CDH9: variants seen among roughly 807,000 people sequenced by gnomAD.
CDH9 encodes cadherin-9.
A neutral mutation model predicts 70.9 loss-of-function variants in CDH9; 28 were observed. The observed-to-expected ratio is 0.40, with a 90% CI of 0.29 to 0.54. The LOEUF is 0.54. CDH9 is among the 20% of genes least tolerant of loss of function. The pLI is 0.59. For missense variants in CDH9, 874 were observed against 984.4 expected (o/e 0.89, Z 1.50); for synonymous variants, 409 against 343.1 (o/e 1.19, Z -2.12).
intron 9 of CDH9, among the ~76,000 whole-genome samples, chr5:26,887,239 T>A (rs1740580400): frequency 6.6e-6 from 1 of 151,774 alleles, no homozygotes. Context: ...TTATATAGGA[T>A]CTAATATTTT....
intron 1 of CDH9, among the ~76,000 whole-genome samples, chr5:26,995,965 T>A (rs999405857): frequency 2.6e-5 from 4 of 152,026 alleles, no homozygotes; most frequent in Non-Finnish European, 4.4e-5. Context: ...ATATTCCAAT[T>A]ATATTTGAGA....
chr5:26,899,283 C>T (rs1740809857), intron 7 of CDH9, among the ~76,000 whole-genome samples: 1 of 152,074 alleles, frequency 6.6e-6, no homozygotes, highest in African/African-American at 2.4e-5. Context: ...GGATCTAGAA[C>T]CAGAAATACC....
At chr5:26,914,411 A>T (rs191078874) in intron 3 of CDH9, among the ~76,000 whole-genome samples, 1 of 152,046 alleles carries the variant, frequency 6.6e-6, no homozygotes, top group East Asian at 1.9e-4. Flanking sequence ...AGTACTTTCC[A>T]TGCAACTAAG....
chr5:26,945,566 T>G (rs2112040721), intron 2 of CDH9, among the ~76,000 whole-genome samples: 1 of 152,302 alleles, frequency 6.6e-6, no homozygotes, highest in Non-Finnish European at 1.5e-5. Flanking sequence ...TGTCACTATT[T>G]TAAAATCAGC....
intron 2 of CDH9, among the ~76,000 whole-genome samples, chr5:26,979,725 A>C (rs898623161): frequency 6.6e-6 from 1 of 151,918 alleles, no homozygotes; most frequent in Non-Finnish European, 1.5e-5. Flanking sequence ...AAGCACACTC[A>C]TGAGAAAAGT....
intron 11 of CDH9, among the ~76,000 whole-genome samples, chr5:26,885,398 G>T (rs62346378): frequency 7.2e-4 from 110 of 152,290 alleles, no homozygotes; most frequent in Non-Finnish European, 1.2e-3. Flanking sequence ...CATGTGTATA[G>T]CATTTGTTAG....
chr5:26,978,698 AAT>A (rs1742345784), intron 2 of CDH9, among the ~76,000 whole-genome samples: 1 of 151,894 alleles, frequency 6.6e-6, no homozygotes, highest in Non-Finnish European at 1.5e-5. Context: ...TTAGGTATCA[AAT>A]TAAGAATACT....
intron 7 of CDH9, among the ~76,000 whole-genome samples, chr5:26,896,051 G>A (rs1412941599): frequency 6.6e-6 from 1 of 151,966 alleles, no homozygotes; most frequent in African/African-American, 2.4e-5. Context: ...ACCATCTGAA[G>A]AATACAATTT....
At chr5:26,933,635 G>A (rs1054500209) in intron 2 of CDH9, among the ~76,000 whole-genome samples, 7 of 151,820 alleles carry the variant, frequency 4.6e-5, no homozygotes, top group African/African-American at 1.7e-4. Flanking sequence ...TTAGCTGGGC[G>A]TGGTGGCGCG....
chr5:26,948,294 A>C (rs555782443), intron 2 of CDH9, among the ~76,000 whole-genome samples: 1 of 152,356 alleles, frequency 6.6e-6, no homozygotes, highest in East Asian at 1.9e-4. Flanking sequence ...GGTTCCTAAA[A>C]GAAAACAATA....
intron 2 of CDH9, among the ~76,000 whole-genome samples, chr5:26,948,673 AT>A (rs1186038973): frequency 1.3e-5 from 2 of 152,224 alleles, no homozygotes; most frequent in Non-Finnish European, 2.9e-5. Context: ...CCTGTTATTA[AT>A]ATATGGAAAG....
chr5:26,956,244 C>G (rs1278147402), intron 2 of CDH9, among the ~76,000 whole-genome samples: 2 of 152,058 alleles, frequency 1.3e-5, no homozygotes, highest in Non-Finnish European at 2.9e-5. Flanking sequence ...ATCTGAATTC[C>G]CCTGCACAAA....
In CDH9 at chr5:26,902,566, TA is replaced by T; in HGVS notation, c.1162del (p.Tyr388ThrfsTer2). 6.3e-7 allele frequency: 1 copy of T among 1,594,996 alleles called. No individual in the cohort carries two copies. The highest frequency in any genetic ancestry group is 8.6e-7 in the Non-Finnish European group (1 of 1,162,912). ...TACATCTTCATCTACTTCTATCAAGTAAGAGACTTTAGTGAACACAGGAGGC... is the reference window on the plus strand; with the variant it reads ...TACATCTTCATCTACTTCTATCAAGTAGAGACTTTAGTGAACACAGGAGGC... ...DEPPVFTKVS[Y>X]LIEVDEDVKE... On this transcript the variant is annotated frameshift_variant, in exon 7 of 12. Transcript: ENST00000231021. LOFTEE classifies it high-confidence loss of function.
intron 2 of CDH9, among the ~76,000 whole-genome samples, chr5:26,942,556 A>G (rs1741680383): frequency 6.6e-6 from 1 of 152,172 alleles, no homozygotes; most frequent in African/African-American, 2.4e-5. Flanking sequence ...CTTAAACTGG[A>G]CTGTGATAAT....
At chr5:26,983,596 T>A (rs1311504832) in intron 2 of CDH9, among the ~76,000 whole-genome samples, 5 of 152,182 alleles carry the variant, frequency 3.3e-5, no homozygotes, top group African/African-American at 1.2e-4. Flanking sequence ...GTTTAATTTT[T>A]GTGTGTGTTC....
intron 1 of CDH9, among the ~76,000 whole-genome samples, chr5:27,036,575 T>C (rs543350498): frequency 4.7e-4 from 72 of 152,018 alleles, no homozygotes; most frequent in Non-Finnish European, 7.8e-4. Context: ...GAAAAATTAT[T>C]ATCTCATAGG....
chr5:26,980,632 C>G (rs1389607427), intron 2 of CDH9, among the ~76,000 whole-genome samples: 1 of 151,834 alleles, frequency 6.6e-6, no homozygotes, highest in Non-Finnish European at 1.5e-5. Flanking sequence ...GTACAAATGT[C>G]TGGTCATCAG....
At position 26,915,869 on chromosome 5, in the gene CDH9, T is replaced by C; in HGVS notation, c.284A>G (p.Asp95Gly). 1 of 1,611,908 alleles carries C rather than the reference T, an allele frequency of 6.2e-7. No homozygotes were observed. The highest frequency in any genetic ancestry group is 8.5e-7 in the Non-Finnish European group (1 of 1,178,118). Residue 95 changes from aspartate (D) to glycine (G), a missense_variant, in exon 3 of 12, where the codon GAT (aspartate) becomes GGT (glycine). By Grantham distance (94) the Asp-to-Gly change is moderately conservative. Transcript: ENST00000231021. ...DGNLKYILTG[D>G]GAGSLFVIDE... is the part of the protein sequence containing the mutation. ...TATAACAAATAGACTGCCAGCCCCA[T>C]CTCCTGTTAGTATGTATTTTAAATT...
chr5:26,897,008 A>G (rs1740764016), intron 7 of CDH9, among the ~76,000 whole-genome samples: 1 of 152,158 alleles, frequency 6.6e-6, no homozygotes, highest in South Asian at 2.1e-4. Flanking sequence ...TCCCACAGAA[A>G]TACAAACTAC....
Sources: gnomAD v4.1 joint callset for allele counts (sites outside exome capture counted in the v4.1 genomes callset) on GRCh38, gnomAD v4.1.1 for gene constraint, MANE v1.5 for transcripts, NCBI Gene and HGNC (gene_info 2026-07-23, HGNC 2026-07-21) for gene names.